The following AOAH variants were observed in gnomAD, a reference collection of about 807,000 sequenced individuals.
The protein encoded by AOAH is acyloxyacyl hydrolase (neutrophil).
AOAH carries 64 observed loss-of-function variants against 92.2 expected under a neutral mutation model. That is an observed-to-expected ratio of 0.69 (90% CI 0.57 to 0.86). AOAH has a LOEUF of 0.86. AOAH is among the 40% of genes least tolerant of loss of function. AOAH has a pLI of 0.00. For synonymous variants in AOAH, 263 were observed against 254.5 expected, an observed-to-expected ratio of 1.03 and a Z score of -0.32; for missense variants, 656 against 694.6, an observed-to-expected ratio of 0.94 and a Z score of 0.62.
At chr7:36,611,207 C>T (rs1018697713) in intron 11 of AOAH, among the ~76,000 whole-genome samples, 9 of 152,050 alleles carry the variant, frequency 5.9e-5, no homozygotes, top group East Asian at 1.9e-4. Flanking sequence ...TTAATAACCC[C>T]GGAACACTAG....
At chr7:36,657,184 G>A (rs1794945266) in intron 4 of AOAH, among the ~76,000 whole-genome samples, 1 of 152,198 alleles carries the variant, frequency 6.6e-6, no homozygotes, top group Non-Finnish European at 1.5e-5. Flanking sequence ...GATTTCAGCT[G>A]ACTGTTGTAA....
chr7:36,595,685 G>A (rs2116821302), intron 11 of AOAH, among the ~76,000 whole-genome samples: 1 of 152,270 alleles, frequency 6.6e-6, no homozygotes, highest in Non-Finnish European at 1.5e-5. Flanking sequence ...TTTATCCTAA[G>A]CTCAAATTTG....
At chr7:36,587,851 A>C (rs1789465386) in intron 12 of AOAH, among the ~76,000 whole-genome samples, 1 of 152,198 alleles carries the variant, frequency 6.6e-6, no homozygotes, top group Non-Finnish European at 1.5e-5. Flanking sequence ...TTGAAACTAC[A>C]AGCTCATTTC....
intron 2 of AOAH, among the ~76,000 whole-genome samples, chr7:36,678,485 T>C (rs1459413109): frequency 6.6e-6 from 1 of 151,948 alleles, no homozygotes; most frequent in East Asian, 1.9e-4. Context: ...TAGGGTGTTC[T>C]TTGATAAAGT....
At chr7:36,644,323 A>AAAAAAGCACAC (rs1794097046) in intron 4 of AOAH, among the ~76,000 whole-genome samples, 4 of 152,022 alleles carry the variant, frequency 2.6e-5, no homozygotes, top group Admixed American at 2.0e-4. Context: ...TAGATGTTAA[A>AAAAAAGCACAC]CGGTGTGCTT....
At chr7:36,583,890 G>A (rs368692816) in intron 12 of AOAH, among the ~76,000 whole-genome samples, 1 of 152,172 alleles carries the variant, frequency 6.6e-6, no homozygotes, top group Admixed American at 6.5e-5. Context: ...ACATTAAACT[G>A]TGATAAAGTG....
intron 1 of AOAH, among the ~76,000 whole-genome samples, chr7:36,697,501 T>C (rs1409084870): frequency 1.3e-5 from 2 of 152,232 alleles, no homozygotes; most frequent in Non-Finnish European, 2.9e-5. Context: ...TCTTTCCTTG[T>C]GATGTCTCTG....
chr7:36,574,701 C>G (rs1246847111), intron 13 of AOAH, among the ~76,000 whole-genome samples: 1 of 152,162 alleles, frequency 6.6e-6, no homozygotes, highest in Admixed American at 6.5e-5. Flanking sequence ...TACTCCTAGA[C>G]TCAGTTTCTG....
intron 13 of AOAH, among the ~76,000 whole-genome samples, chr7:36,574,082 A>G (rs1330832064): frequency 6.6e-6 from 1 of 152,244 alleles, no homozygotes; most frequent in Non-Finnish European, 1.5e-5. Context: ...AAGAGAAAAT[A>G]GGAAGAGGGG....
At chr7:36,559,315 A>G (rs1338825566) in intron 13 of AOAH, among the ~76,000 whole-genome samples, 2 of 152,226 alleles carry the variant, frequency 1.3e-5, no homozygotes, top group South Asian at 2.1e-4. Flanking sequence ...TCTTTGAGAA[A>G]TCTCCAAACT....
At chr7:36,548,539 G>T in intron 15 of AOAH, 73 bp downstream of exon 15, 2 of 1,247,472 alleles carry the variant, frequency 1.6e-6, no homozygotes, top group South Asian at 2.4e-5. Context: ...TAATGGAGTG[G>T]AGTTGGTGAG....
intron 2 of AOAH, among the ~76,000 whole-genome samples, chr7:36,681,539 A>G (rs951076213): frequency 6.6e-6 from 1 of 152,092 alleles, no homozygotes; most frequent in Non-Finnish European, 1.5e-5. Context: ...TACAAAAGAA[A>G]AAGGAGTGTA....
At chr7:36,691,040 AC>A (rs1562701482) in intron 1 of AOAH, among the ~76,000 whole-genome samples, 1 of 152,242 alleles carries the variant, frequency 6.6e-6, no homozygotes, top group Non-Finnish European at 1.5e-5. Flanking sequence ...CCTTGAAAGC[AC>A]CTGGCAGTTG....
chr7:36,544,471 G>A (rs1218182320), intron 15 of AOAH, among the ~76,000 whole-genome samples: 1 of 152,056 alleles, frequency 6.6e-6, no homozygotes, highest in Non-Finnish European at 1.5e-5. Flanking sequence ...TTTGTCTGCC[G>A]ACTCCAGGGT....
intron 11 of AOAH, among the ~76,000 whole-genome samples, chr7:36,597,322 T>C (rs998944384): frequency 1.3e-5 from 2 of 152,304 alleles, no homozygotes; most frequent in Admixed American, 1.3e-4. Flanking sequence ...GACTCAGCTA[T>C]TATCTGTTTG....
At chr7:36,595,972 C>T (rs1001346489) in intron 11 of AOAH, among the ~76,000 whole-genome samples, 3 of 152,184 alleles carry the variant, frequency 2.0e-5, no homozygotes, top group South Asian at 4.1e-4. Context: ...GGCACATGCC[C>T]CTGGCCTCCT....
intron 6 of AOAH, among the ~76,000 whole-genome samples, chr7:36,624,007 G>A (rs1314918643): frequency 2.6e-5 from 4 of 152,172 alleles, no homozygotes; most frequent in African/African-American, 7.2e-5. Context: ...TAGGGCATAC[G>A]CTGTAAATGA....
At chr7:36,561,040 C>CTT (rs72472573) in intron 13 of AOAH, among the ~76,000 whole-genome samples, 237 of 121,770 alleles carry the variant, frequency 1.9e-3, no homozygotes, top group African/African-American at 7.0e-3. Context: ...GCACTGGGAA[C>CTT]TTTTTTTTTT....
At chr7:36,603,440 G>A (rs1027842456) in intron 11 of AOAH, among the ~76,000 whole-genome samples, 6 of 152,094 alleles carry the variant, frequency 3.9e-5, no homozygotes, top group Non-Finnish European at 8.8e-5. Context: ...AGCCTTCCTC[G>A]CCTGCCCCGG....
Sources: gnomAD v4.1 joint callset for allele counts (sites outside exome capture counted in the v4.1 genomes callset) on GRCh38, gnomAD v4.1.1 for gene constraint, MANE v1.5 for transcripts, NCBI Gene and HGNC (gene_info 2026-07-23, HGNC 2026-07-21) for gene names.